The following NR6A1 variants were observed in gnomAD, a reference collection of about 807,000 sequenced individuals.
The protein encoded by NR6A1 is retinoic acid receptor-related testis-associated receptor.
In NR6A1, 7 loss-of-function variants were observed where a neutral mutation model predicts 59.1. That is an observed-to-expected ratio of 0.12 (90% CI 0.07 to 0.22). NR6A1 has a LOEUF of 0.22. Among genes scored for constraint, NR6A1 ranks in the 10% least tolerant of loss-of-function variants. The pLI is 1.00. For missense variants in NR6A1, 468 were observed against 611.6 expected (o/e 0.77, Z 2.48); for synonymous variants, 243 against 236.1 (o/e 1.03, Z -0.27).
In NR6A1 at chr9:124,739,224, G is replaced by T. The variant is rs902207040; in HGVS notation, c.101-5875C>A. The stretch of plus-strand genomic sequence containing the variant: ...AAAAATGGGGGCGGCGAGGGTATGG[G>T]TATGAATTAGAATTAGATTCAAATC... On this transcript the variant is annotated intron_variant, in intron 1 of 9. Coordinates refer to ENST00000487099, the MANE Select transcript of NR6A1 (RefSeq NM_033334.4). Among the ~76,000 whole-genome samples the T allele has an allele frequency of 5.9e-5, 9 of 151,796 alleles. No homozygotes were observed. The East Asian group carries it at 1.7e-3, about 29-fold the overall frequency.
chr9:124,574,815 CT>C (rs1361195388), intron 2 of NR6A1, among the ~76,000 whole-genome samples: 2 of 152,184 alleles, frequency 1.3e-5, no homozygotes, highest in African/African-American at 4.8e-5. Flanking sequence ...TTCCCACTCC[CT>C]TTTGGATACT....
intron 1 of NR6A1, among the ~76,000 whole-genome samples, chr9:124,737,488 C>T (rs1248986172): frequency 6.6e-6 from 1 of 152,230 alleles, no homozygotes; most frequent in East Asian, 1.9e-4. Flanking sequence ...ACCCAAACCA[C>T]TGCTAGATGT....
At chr9:124,525,455 A>C (rs935724236) in intron 8 of NR6A1, among the ~76,000 whole-genome samples, 6 of 152,018 alleles carry the variant, frequency 3.9e-5, no homozygotes, top group African/African-American at 1.5e-4. Flanking sequence ...AGCTGGCTCA[A>C]TAGATTCTCC....
At chr9:124,555,504 T>C (rs1395609401) in intron 2 of NR6A1, among the ~76,000 whole-genome samples, 1 of 152,206 alleles carries the variant, frequency 6.6e-6, no homozygotes, top group African/African-American at 2.4e-5. Flanking sequence ...TAGTCTCATC[T>C]ACTGAGGAGG....
At chr9:124,559,065 G>A (rs919552984) in intron 2 of NR6A1, among the ~76,000 whole-genome samples, 10 of 152,178 alleles carry the variant, frequency 6.6e-5, no homozygotes, top group African/African-American at 2.2e-4. Context: ...GCAAAAAACA[G>A]TCAATGAGCA....
rs192392834 is a variant in NR6A1, at chr9:124,580,703, C to G, written c.143-26133G>C. Among the ~76,000 whole-genome samples the G allele has an allele frequency of 2.0e-5, 3 of 152,150 alleles. No homozygotes were observed. The East Asian group carries it at 5.8e-4, about 29-fold the overall frequency. On this transcript the variant is annotated intron_variant, in intron 2 of 9. Transcript: ENST00000487099. ...GCCATGGTGGCTCACGCCTGTAATC[C>G]CAGTTACTCAGGGGGCTAAGGCAGG...
intron 2 of NR6A1, among the ~76,000 whole-genome samples, chr9:124,716,724 C>A (rs1839425353): frequency 6.6e-6 from 1 of 152,196 alleles, no homozygotes; most frequent in Non-Finnish European, 1.5e-5. Flanking sequence ...CTCCACCTTT[C>A]AGGTTCAAGC....
chr9:124,753,166 T>A (rs2131178083), intron 1 of NR6A1, among the ~76,000 whole-genome samples: 1 of 152,334 alleles, frequency 6.6e-6, no homozygotes, highest in Non-Finnish European at 1.5e-5. Flanking sequence ...TTAGTACCTT[T>A]TCCACTCTCT....
chr9:124,698,145 T>C (rs1178235720), intron 2 of NR6A1: 1 of 152,220 alleles, frequency 6.6e-6, no homozygotes, highest in Non-Finnish European at 1.5e-5. Flanking sequence ...ATTTATACTC[T>C]TATAGATCTT....
chr9:124,594,056 A>T (rs767413013), intron 2 of NR6A1, among the ~76,000 whole-genome samples: 3 of 152,216 alleles, frequency 2.0e-5, no homozygotes, highest in Non-Finnish European at 4.4e-5. Context: ...TAAATGGACA[A>T]GGGCCCAATA....
chr9:124,615,278 A>G (rs1029482232), intron 2 of NR6A1, among the ~76,000 whole-genome samples: 1 of 152,230 alleles, frequency 6.6e-6, no homozygotes, highest in African/African-American at 2.4e-5. Context: ...TTTCACAACT[A>G]GTCATAATGA....
At chr9:124,566,114 G>A (rs1388764193) in intron 2 of NR6A1, among the ~76,000 whole-genome samples, 4 of 152,220 alleles carry the variant, frequency 2.6e-5, no homozygotes, top group Non-Finnish European at 4.4e-5. Context: ...CTATACAACA[G>A]TAAACATATC....
At chr9:124,629,646 TTTC>T (rs1836365432) in intron 2 of NR6A1, among the ~76,000 whole-genome samples, 1 of 152,214 alleles carries the variant, frequency 6.6e-6, no homozygotes, top group Non-Finnish European at 1.5e-5. Flanking sequence ...GGCCTCTCAC[TTTC>T]TTGAGGTGTC....
chr9:124,710,496 A>G (rs1839246068), intron 2 of NR6A1, among the ~76,000 whole-genome samples: 1 of 152,222 alleles, frequency 6.6e-6, no homozygotes, highest in Non-Finnish European at 1.5e-5. Flanking sequence ...GTTCATTGCA[A>G]TGAGCCTCAG....
chr9:124,754,841 C>G (rs1840593775), intron 1 of NR6A1, among the ~76,000 whole-genome samples: 1 of 152,104 alleles, frequency 6.6e-6, no homozygotes, highest in Non-Finnish European at 1.5e-5. Context: ...AGTAATACAG[C>G]TACATTCCAG....
chr9:124,632,273 C>A (rs1836468831), intron 2 of NR6A1, among the ~76,000 whole-genome samples: 1 of 152,170 alleles, frequency 6.6e-6, no homozygotes, highest in South Asian at 2.1e-4. Flanking sequence ...AACTAACATA[C>A]ACTCCCACCA....
At chr9:124,660,295 A>G (rs1837389460) in intron 2 of NR6A1, among the ~76,000 whole-genome samples, 1 of 152,190 alleles carries the variant, frequency 6.6e-6, no homozygotes. Context: ...TGGGATAGAA[A>G]ATTAAGTGTG....
At position 124,750,543 on chromosome 9, in the gene NR6A1, G is replaced by C. The variant is rs375231542; in HGVS notation, c.101-17194C>G. 4.3e-4 allele frequency among the ~76,000 whole-genome samples: 65 copies of C among 152,208 alleles called. 1 individual carries two copies. The South Asian group carries it at 9.6e-3, about 22-fold the overall frequency. On this transcript the variant is annotated intron_variant, in intron 1 of 9. Transcript: ENST00000487099. ...TGGGAGGCCGAGGCAGGCGGATCAC[G>C]AGGTCAGGAGAACGAGACCAGCCTG... is the stretch of plus-strand genomic sequence containing the variant.
chr9:124,728,318 C>T (rs1839784864), intron 2 of NR6A1, among the ~76,000 whole-genome samples: 1 of 151,852 alleles, frequency 6.6e-6, no homozygotes, highest in Non-Finnish European at 1.5e-5. Context: ...CATGAGCCAC[C>T]GCGCCCAGCC....
Sources: gnomAD v4.1 joint callset for allele counts (sites outside exome capture counted in the v4.1 genomes callset) on GRCh38, gnomAD v4.1.1 for gene constraint, MANE v1.5 for transcripts, NCBI Gene and HGNC (gene_info 2026-07-23, HGNC 2026-07-21) for gene names.